The following NSD3 variants were observed in gnomAD, a reference collection of about 807,000 sequenced individuals.
NSD3 encodes the protein nuclear receptor binding SET domain protein 3.
Under a neutral mutation model 160.8 loss-of-function variants are expected in NSD3, and 24 were observed. That is an observed-to-expected ratio of 0.15 (90% confidence interval 0.11 to 0.21). The LOEUF (loss-of-function observed/expected upper bound fraction) is 0.21. Among genes scored for constraint, NSD3 ranks in the 10% least tolerant of loss-of-function variants. The pLI is 1.00. For missense variants in NSD3, 1,157 were observed against 1,735.9 expected (o/e 0.67, Z 5.93); for synonymous variants, 520 against 600.0 (o/e 0.87, Z 1.95).
At chr8:38,370,042 C>T (rs1164418097) in intron 1 of NSD3, among the ~76,000 whole-genome samples, 1 of 152,174 alleles carries the variant, frequency 6.6e-6, no homozygotes, top group African/African-American at 2.4e-5. Flanking sequence ...GATCCACCCA[C>T]CTCGGCCTCC....
At position 38,279,839 on chromosome 8, in the gene NSD3, T is replaced by G. The variant is rs1808690166; in HGVS notation, c.3619-158A>C. 4.2e-6 allele frequency: 3 copies of G among 713,988 alleles called. No individual in the cohort carries two copies. The South Asian group carries it at 6.6e-5, about 16-fold the overall frequency. 44.2% of individuals were successfully genotyped at this position (713,988 alleles called of 1,614,324 possible). On this transcript the variant is annotated intron_variant, in intron 20 of 23. Coordinates refer to ENST00000317025, the MANE Select transcript of NSD3 (RefSeq NM_023034.2). ...GAGGCTGCCTGGGTAATTTACTAAG[T>G]TCTCTCCTTTATTTGATGACCTTCA...
At chr8:38,361,754 CAAA>C (rs756700150) in intron 1 of NSD3, among the ~76,000 whole-genome samples, 2 of 31,162 alleles carry the variant, frequency 6.4e-5, no homozygotes, top group African/African-American at 2.5e-4. Context: ...GACTCCGTCT[CAAA>C]AAAAAAAAAA....
intron 14 of NSD3, among the ~76,000 whole-genome samples, chr8:38,304,005 A>G (rs1337367615): frequency 1.3e-5 from 2 of 152,202 alleles, no homozygotes; most frequent in African/African-American, 4.8e-5. Flanking sequence ...TAGTTGATCA[A>G]TCTCTTGGTG....
chr8:38,304,892 G>T, intron 13 of NSD3, 135 bp from the exon 14 acceptor site: 2 of 885,232 alleles, frequency 2.3e-6, no homozygotes, highest in Non-Finnish European at 3.3e-6. Flanking sequence ...TTCTTCCCTA[G>T]TCTGGCTCTG....
rs1435787083 is a variant in NSD3, at chr8:38,317,019, T to C, written c.1856-977A>G. 9.4e-7 allele frequency: 1 copy of C among 1,059,480 alleles called. No individual in the cohort carries two copies. Among genetic ancestry groups the C allele is most frequent in the African/African-American group, 1.6e-5 (1 of 60,718 alleles). The allele number at this position is 1,059,480 out of a possible 1,614,324, so 65.6% of individuals were successfully genotyped here. A position where few individuals can be genotyped will look rare whatever the true frequency, so the allele number is the denominator to read the frequency against. ...GTGTTTTGGATTTTTTCCCCCAAAA[T>C]TTCCATACAACAAACAGACATCTAG... On this transcript the variant is annotated intron_variant, in intron 9 of 23. Transcript: ENST00000317025. The surrounding 1 kb of genome is among the most constrained non-coding windows in gnomAD (Gnocchi z 5.3).
intron 15 of NSD3, among the ~76,000 whole-genome samples, chr8:38,296,675 T>C (rs1460766737): frequency 1.6e-4 from 2 of 12,234 alleles, no homozygotes; most frequent in Admixed American, 2.8e-3. Flanking sequence ...TCTCTCCCTC[T>C]GTGTGTGTGT....
chr8:38,317,761 G>T lies in NSD3; in HGVS notation c.1855+1134C>A. On this transcript the variant is annotated intron_variant, in intron 9 of 23. Transcript: ENST00000317025. The surrounding 1 kb of genome is among the most constrained non-coding windows in gnomAD (Gnocchi z 5.3). ...AAGCTGTACCCATCCAGCTCAAACC[G>T]AAAAAAAAAAATCATTTGACTGTTA... 3 of 1,212,748 alleles carry T rather than the reference G, an allele frequency of 2.5e-6. No homozygotes were observed. The highest frequency in any genetic ancestry group is 3.2e-6 in the Non-Finnish European group (3 of 944,018). 75.1% of individuals were successfully genotyped at this position (1,212,748 alleles called of 1,614,324 possible). A position where few individuals can be genotyped will look rare whatever the true frequency, so the allele number is the denominator to read the frequency against.
chr8:38,337,242 A>G, intron 4 of NSD3, 63 bp downstream of exon 4: 1 of 1,408,098 alleles, frequency 7.1e-7, no homozygotes, highest in Non-Finnish European at 9.4e-7. Flanking sequence ...ATTCACATAC[A>G]ACATTTAAAA....
chr8:38,364,624 C>T (rs996163980), intron 1 of NSD3, among the ~76,000 whole-genome samples: 10 of 152,190 alleles, frequency 6.6e-5, no homozygotes, highest in African/African-American at 2.4e-4. Context: ...CCTTTTACTA[C>T]TAAAACACCT....
rs1372097111 is a variant in NSD3 at position 38,315,349 on chromosome 8, G to A, written c.2115+67C>T. 2.1e-6 allele frequency: 3 copies of A among 1,459,492 alleles called. No individual in the cohort carries two copies. The African/African-American group carries it at 4.3e-5, about 21-fold the overall frequency. 90.4% of individuals were successfully genotyped at this position (1,459,492 alleles called of 1,614,324 possible). ...AAACATATTATCCTCTTCAACAGGA[G>A]TTAAGTCTATTACTGGCAGAATATA... On this transcript the variant is annotated intron_variant, in intron 11 of 23. Coordinates refer to ENST00000317025, the MANE Select transcript of NSD3 (RefSeq NM_023034.2).
At chr8:38,345,760 AT>A (rs773318077) in intron 2 of NSD3, among the ~76,000 whole-genome samples, 8 of 151,452 alleles carry the variant, frequency 5.3e-5, no homozygotes, top group Non-Finnish European at 1.2e-4. Context: ...AAAAAAAAAA[AT>A]TAGCCAGGCG....
chr8:38,322,696 A>C (rs1809819001), intron 7 of NSD3, among the ~76,000 whole-genome samples: 1 of 152,216 alleles, frequency 6.6e-6, no homozygotes, highest in Non-Finnish European at 1.5e-5. Context: ...TGTTCTAAGA[A>C]AGAGGAGGTG....
At chr8:38,369,962 T>G (rs1811202200) in intron 1 of NSD3, among the ~76,000 whole-genome samples, 1 of 151,978 alleles carries the variant, frequency 6.6e-6, no homozygotes, top group Admixed American at 6.6e-5. Flanking sequence ...ACTGGCTAAT[T>G]TTTGTATTTT....
chr8:38,315,713 G>A (rs1002323868), intron 10 of NSD3, among the ~76,000 whole-genome samples, 169 bp from the exon 11 acceptor site: 2 of 151,994 alleles, frequency 1.3e-5, no homozygotes, highest in Admixed American at 6.6e-5. Context: ...TGCTGTTTTG[G>A]GAAAAACTGT....
chr8:38,320,841 A>C (rs1809782412), intron 8 of NSD3: 1 of 373,644 alleles, frequency 2.7e-6, no homozygotes, highest in African/African-American at 2.1e-5. Context: ...TAAGTCTTGC[A>C]CCACTGGCTT....
At chr8:38,296,978 T>A (rs763219886) in intron 15 of NSD3, among the ~76,000 whole-genome samples, 16 of 152,302 alleles carry the variant, frequency 1.1e-4, no homozygotes, top group Non-Finnish European at 1.5e-4. Flanking sequence ...AAACTAGTAT[T>A]ATCCCATTAA....
At chr8:38,281,344 C>A (rs1007454953) in intron 20 of NSD3, 123 bp downstream of exon 20, 5 of 470,022 alleles carry the variant, frequency 1.1e-5, no homozygotes, top group Non-Finnish European at 1.8e-5. Context: ...ACACTAGCTA[C>A]TGCAAATCAT....
Position 38,285,601 on chromosome 8 carries a change from T to C in NSD3, c.3501+2886A>G, listed in dbSNP as rs772188496. Among the ~76,000 whole-genome samples the C allele has an allele frequency of 7.4e-4, 113 of 152,378 alleles. 1 individual carries two copies. The highest frequency in any genetic ancestry group is 1.0e-3 in the Non-Finnish European group (69 of 68,046). ...CACATTTCAGAATAAGTGCAACTAC[T>C]ATTAAAAGGTGTTAACACAATATTA... On this transcript the variant is annotated intron_variant, in intron 19 of 23. Coordinates refer to ENST00000317025, the MANE Select transcript of NSD3 (RefSeq NM_023034.2).
Position 38,317,943 on chromosome 8 carries a change from T to C in NSD3, c.1855+952A>G, listed in dbSNP as rs762146846. The C allele has an allele frequency of 1.1e-5, 17 of 1,613,812 alleles. No homozygotes were observed. The highest frequency in any genetic ancestry group is 6.7e-5 in the East Asian group (3 of 44,886). The stretch of plus-strand genomic sequence containing the variant: ...CAAGTCTGGAGTTTCTGGGATGAAA[T>C]TGTACAGGAATCTCAGTCCACAGTT... On this transcript the variant is annotated intron_variant, in intron 9 of 23. Transcript: ENST00000317025. The surrounding 1 kb of genome is among the most constrained non-coding windows in gnomAD (Gnocchi z 5.3).
Sources: gnomAD v4.1 joint callset for allele counts (sites outside exome capture counted in the v4.1 genomes callset) on GRCh38, gnomAD v4.1.1 for gene constraint, Gnocchi (gnomAD v3.1) non-coding constraint, MANE v1.5 for transcripts, NCBI Gene and HGNC (gene_info 2026-07-23, HGNC 2026-07-21) for gene names.